The following SEMA4D variants were observed in gnomAD, a reference collection of about 807,000 sequenced individuals.
SEMA4D encodes the protein semaphorin-4D.
Under a neutral mutation model 74.8 loss-of-function variants are expected in SEMA4D, and 22 were observed. That is an observed-to-expected ratio of 0.29 (90% confidence interval 0.21 to 0.42). The LOEUF is 0.42. SEMA4D is among the 10% of genes least tolerant of loss of function. SEMA4D has a pLI of 1.00. For missense variants in SEMA4D, 937 were observed against 1,118.4 expected, an observed-to-expected ratio of 0.84 and a Z score of 2.31; for synonymous variants, 445 against 463.7, an observed-to-expected ratio of 0.96 and a Z score of 0.52.
At chr9:89,386,723 T>C in intron 12 of SEMA4D, 1 of 422,526 alleles carries the variant, frequency 2.4e-6, no homozygotes, top group Non-Finnish European at 4.3e-6. Flanking sequence ...AACTGTTCCA[T>C]GGTTGACCCC....
intron 2 of SEMA4D, among the ~76,000 whole-genome samples, chr9:89,428,577 GGAGCCTGCTCAAGGTCAC>G (rs1253067655): frequency 6.3e-5 from 1 of 15,876 alleles, no homozygotes; most frequent in Non-Finnish European, 1.6e-4. Flanking sequence ...GCACAGGCAT[GGAGCCTGCTCAAGGTCAC>G]GGAGCCTGCT....
intron 1 of SEMA4D, among the ~76,000 whole-genome samples, chr9:89,457,160 AC>A (rs1564856979): frequency 6.6e-6 from 1 of 152,126 alleles, no homozygotes; most frequent in Non-Finnish European, 1.5e-5. Context: ...ATGAGCAGTA[AC>A]CTACAAAGCT....
intron 4 of SEMA4D, among the ~76,000 whole-genome samples, chr9:89,400,434 G>A (rs1365533408): frequency 6.6e-6 from 1 of 152,222 alleles, no homozygotes; most frequent in Non-Finnish European, 1.5e-5. Context: ...AAGGCTTGTA[G>A]CAGGTGTCAG....
At chr9:89,399,453 G>T (rs1052362386) in intron 4 of SEMA4D, 115 bp from the exon 5 acceptor site, 3 of 798,308 alleles carry the variant, frequency 3.8e-6, no homozygotes, top group Non-Finnish European at 4.2e-6. Context: ...CTCCTGAGAT[G>T]ATCAATTCTC....
intron 1 of SEMA4D, chr9:89,472,245 C>A: frequency 3.3e-6 from 1 of 305,010 alleles, no homozygotes; most frequent in Admixed American, 4.2e-5. Context: ...AGATGGCAGC[C>A]ACCAAGGGCT....
rs755546421 is a variant in SEMA4D, at chr9:89,405,507, G to A, written c.-51C>T. On this transcript the variant is annotated 5_prime_UTR_variant, in exon 3 of 16. Coordinates refer to ENST00000422704, the MANE Select transcript of SEMA4D (RefSeq NM_001371194.2). ...CAGCAGCAAAGGCTCACGGCAGCAGGTGGCCGGGCAGGTGTGCTATTGCAG... is the reference window on the plus strand; with the variant it reads ...CAGCAGCAAAGGCTCACGGCAGCAGATGGCCGGGCAGGTGTGCTATTGCAG... 8.1e-6 allele frequency: 13 copies of A among 1,605,716 alleles called. No individual in the cohort carries two copies. The South Asian group carries it at 1.2e-4, about 15-fold the overall frequency.
At chr9:89,369,487 G>A (rs1834205256) in intron 16 of SEMA4D, 1 of 152,218 alleles carries the variant, frequency 6.6e-6, no homozygotes, top group African/African-American at 2.4e-5. Context: ...GCCCTGACAG[G>A]GTAAAGACTG....
chr9:89,405,617 A>T lies in SEMA4D; in HGVS notation c.-161T>A. Reference sequence around the variant, plus strand: ...CGGTCCCTGAGAATCCACATTTCCCAGTTCTCCAGGTGAGGAGGGGTCGCT... The same window carrying T: ...CGGTCCCTGAGAATCCACATTTCCCTGTTCTCCAGGTGAGGAGGGGTCGCT... On this transcript the variant is annotated 5_prime_UTR_variant, in exon 3 of 16. Coordinates refer to ENST00000422704, the MANE Select transcript of SEMA4D (RefSeq NM_001371194.2). The T allele has an allele frequency of 9.7e-6, 14 of 1,438,628 alleles. No individual in the cohort carries two copies. The highest frequency in any genetic ancestry group is 1.3e-5 in the Non-Finnish European group (14 of 1,099,304). 89.1% of individuals were successfully genotyped at this position (1,438,628 alleles called of 1,614,324 possible).
intron 2 of SEMA4D, among the ~76,000 whole-genome samples, chr9:89,411,740 A>C (rs1273789501): frequency 1.3e-5 from 2 of 152,230 alleles, no homozygotes; most frequent in Non-Finnish European, 2.9e-5. Flanking sequence ...TGACCCCCTG[A>C]AGGGAGGCTC....
intron 1 of SEMA4D, among the ~76,000 whole-genome samples, chr9:89,470,515 G>C (rs1343474597): frequency 6.6e-6 from 1 of 152,318 alleles, no homozygotes; most frequent in East Asian, 1.9e-4. Context: ...TGTGGCTGGT[G>C]AGACTGTAAT....
chr9:89,366,813 G>C (rs1048726842), intron 16 of SEMA4D, among the ~76,000 whole-genome samples: 3 of 152,098 alleles, frequency 2.0e-5, no homozygotes, highest in African/African-American at 7.2e-5. Context: ...ATAAAAGCCC[G>C]GTCTCCTCCC....
chr9:89,385,866 G>GGGGGGGGGCCCCCCCCCC, intron 13 of SEMA4D: 1 of 196,226 alleles, frequency 5.1e-6, no homozygotes, highest in Non-Finnish European at 9.0e-6. Flanking sequence ...CAGCGTGGAT[G>GGGGGGGGGCCCCCCCCCC]CCCGCCCACC....
exon 19 of SEMA4D, chr9:89,362,407 G>C: frequency 6.2e-7 from 1 of 1,614,058 alleles, no homozygotes. Flanking sequence ...GGTGGCTACA[G>C]GGTGTCCTTG....
chr9:89,389,996 T>TG (rs911282241), intron 9 of SEMA4D, among the ~76,000 whole-genome samples: 12 of 151,770 alleles, frequency 7.9e-5, no homozygotes, highest in South Asian at 6.2e-4. Flanking sequence ...CAAACAAGTA[T>TG]GGGGAAAAAA....
chr9:89,400,032 A>AAAG (rs1841846499), intron 4 of SEMA4D, among the ~76,000 whole-genome samples: 1 of 142,308 alleles, frequency 7.0e-6, no homozygotes, highest in Non-Finnish European at 1.5e-5. Flanking sequence ...AAAAAAAAAA[A>AAAG]GTGACTCTAC....
At chr9:89,481,232 G>C (rs1171689079) in intron 1 of SEMA4D, among the ~76,000 whole-genome samples, 1 of 152,182 alleles carries the variant, frequency 6.6e-6, no homozygotes, top group Non-Finnish European at 1.5e-5. Flanking sequence ...AGCAGGTGGC[G>C]GTGGGGTGGG....
At chr9:89,454,423 C>A (rs572403578) in intron 2 of SEMA4D, among the ~76,000 whole-genome samples, 43 of 152,300 alleles carry the variant, frequency 2.8e-4, no homozygotes, top group Admixed American at 5.9e-4. Flanking sequence ...CAGCCCCCCC[C>A]AGATTTTCAC....
chr9:89,485,572 T>C (rs1385489209), intron 1 of SEMA4D, among the ~76,000 whole-genome samples: 2 of 152,066 alleles, frequency 1.3e-5, no homozygotes, highest in Non-Finnish European at 2.9e-5. Context: ...GAGGATCACC[T>C]GAGGTCGGGA....
rs573047979 is a variant in SEMA4D, at chr9:89,461,382, C to T, written c.-309-5429G>A. Among the ~76,000 whole-genome samples, 11 of 152,222 alleles carry T rather than the reference C, an allele frequency of 7.2e-5. No individual in the cohort carries two copies. The South Asian group carries it at 8.3e-4, about 12-fold the overall frequency. On this transcript the variant is annotated intron_variant, in intron 1 of 15. Coordinates refer to ENST00000422704, the MANE Select transcript of SEMA4D (RefSeq NM_001371194.2). ...TACTCTTGACTGTGAAACTGAAAAG[C>T]GCCCCCACAGAGAGAAGCACGTCAA... is the stretch of plus-strand genomic sequence containing the variant.
Sources: allele counts gnomAD v4.1 joint callset (sites outside exome capture counted in the v4.1 genomes callset), GRCh38; gene constraint gnomAD v4.1.1; transcripts MANE v1.5; gene names NCBI Gene and HGNC (gene_info 2026-07-23, HGNC 2026-07-21).